Variants in NSUN2 observed in about 807,000 individuals in gnomAD.
The protein encoded by NSUN2 is NOP2/Sun RNA methyltransferase 2, also known as RNA cytosine C(5)-methyltransferase NSUN2.
NSUN2 carries 63 observed loss-of-function variants against 92.7 expected under a neutral mutation model. That is an observed-to-expected ratio of 0.68 (90% CI 0.56 to 0.84). The LOEUF (loss-of-function observed/expected upper bound fraction) is 0.84. NSUN2 is among the 40% of genes least tolerant of loss of function. The pLI, the probability that NSUN2 is intolerant of heterozygous loss-of-function variation, is 0.00. For missense variants in NSUN2, 989 were observed against 964.9 expected (o/e 1.02, Z -0.33); for synonymous variants, 356 against 348.3 (o/e 1.02, Z -0.25).
At position 6,599,757 on chromosome 5, in the gene NSUN2, AAGC is replaced by A; in HGVS notation, c.*166_*168del. On this transcript the variant is annotated 3_prime_UTR_variant, in exon 19 of 19. Coordinates refer to ENST00000264670, the MANE Select transcript of NSUN2 (RefSeq NM_017755.6). ...AGTACATTTTCATCAGCTCCAAAGAAAGCAGTCCTGGTCATTCAGAAGGCTCCT... is the reference window on the plus strand; with the variant it reads ...AGTACATTTTCATCAGCTCCAAAGAAAGTCCTGGTCATTCAGAAGGCTCCT... 1.5e-6 allele frequency: 1 copy of A among 654,508 alleles called. No individual in the cohort carries two copies. The highest frequency in any genetic ancestry group is 2.7e-6 in the Non-Finnish European group (1 of 369,872). The allele number at this position is 654,508 out of a possible 1,614,324, so 40.5% of individuals were successfully genotyped here. A position where few individuals can be genotyped will look rare whatever the true frequency, so the allele number is the denominator to read the frequency against.
intron 10 of NSUN2, 55 bp downstream of exon 10, chr5:6,611,670 A>T: frequency 6.9e-7 from 1 of 1,439,428 alleles, no homozygotes; most frequent in Non-Finnish European, 9.8e-7. Flanking sequence ...ACTTGACTCT[A>T]CTTCAGTGAT....
At position 6,600,051 on chromosome 5, in the gene NSUN2, G is replaced by A; in HGVS notation, c.2179C>T (p.Gln727Ter). 1 of 1,614,236 alleles carries A rather than the reference G, an allele frequency of 6.2e-7. No homozygotes were observed. Among genetic ancestry groups the A allele is most frequent in the Non-Finnish European group, 8.5e-7 (1 of 1,180,036 alleles). The change falls in exon 19 of 19, where the codon CAG (glutamine) becomes TAG (stop). Residue 727 changes from glutamine to a stop codon, truncating the protein, a stop_gained. Coordinates refer to ENST00000264670, the MANE Select transcript of NSUN2 (RefSeq NM_017755.6). LOFTEE classifies it low-confidence loss of function (END_TRUNC). ...LTNESAASTGQPDNDVTEGQR... is the reference protein window; with the variant it reads ...LTNESAASTG ...CCCTCAGTCACGTCATTGTCTGGCTGTCCGGTGCTGGCTGCACTCTCATTT... is the reference window on the plus strand; with the variant it reads ...CCCTCAGTCACGTCATTGTCTGGCTATCCGGTGCTGGCTGCACTCTCATTT...
chr5:6,618,846 T>C (rs1203340368), intron 7 of NSUN2, among the ~76,000 whole-genome samples: 1 of 152,228 alleles, frequency 6.6e-6, no homozygotes, highest in Non-Finnish European at 1.5e-5. Context: ...AACGCCTGTT[T>C]TTGTTGGCTT....
intron 3 of NSUN2, among the ~76,000 whole-genome samples, chr5:6,631,420 G>A (rs1328249987): frequency 6.6e-6 from 1 of 152,226 alleles, no homozygotes; most frequent in African/African-American, 2.4e-5. Flanking sequence ...GGCTGGTGCA[G>A]TCTGTACTGC....
At chr5:6,604,419 C>T (rs1237047057) in intron 16 of NSUN2, 143 bp from the exon 17 acceptor site, 1 of 903,446 alleles carries the variant, frequency 1.1e-6, no homozygotes, top group South Asian at 1.6e-5. Context: ...GTGTGGAACC[C>T]ACCCCCCCCT....
intron 14 of NSUN2, 46 bp from the exon 15 acceptor site, chr5:6,605,454 T>C (rs1203662638): frequency 1.3e-6 from 2 of 1,594,338 alleles, no homozygotes; most frequent in South Asian, 1.1e-5. Flanking sequence ...GTTCAAAATC[T>C]GGTAGACTGT....
At chr5:6,605,152 C>T (rs967819538) in intron 15 of NSUN2, 121 bp downstream of exon 15, 1 of 1,342,792 alleles carries the variant, frequency 7.4e-7, no homozygotes, top group Non-Finnish European at 1.0e-6. Flanking sequence ...CAGGGACCCA[C>T]AGCCAGCGCT....
In NSUN2 at chr5:6,607,560, A is replaced by G. The variant is rs567476241; in HGVS notation, c.1324-176T>C. ...TCATTTTAAATCTACTTGCTATTATAAACAAAATTCATGGACAGTTTCTTT... is the reference window on the plus strand; with the variant it reads ...TCATTTTAAATCTACTTGCTATTATGAACAAAATTCATGGACAGTTTCTTT... On this transcript the variant is annotated intron_variant, in intron 12 of 18. Coordinates refer to ENST00000264670, the MANE Select transcript of NSUN2 (RefSeq NM_017755.6). Among the ~76,000 whole-genome samples the G allele has an allele frequency of 2.0e-5, 3 of 152,350 alleles. 1 individual carries two copies. The highest frequency in any genetic ancestry group is 7.2e-5 in the African/African-American group (3 of 41,578).
Position 6,600,202 on chromosome 5 carries a change from G to C in NSUN2, c.2028C>G (p.Val676=), listed in dbSNP as rs1736493854. 6.2e-7 allele frequency: 1 copy of C among 1,614,206 alleles called. No homozygotes were observed. Among genetic ancestry groups the C allele is most frequent in the African/African-American group, 1.3e-5 (1 of 75,064 alleles). ...ANPDALQCPI[V]LCGWRGKASI... is the part of the protein sequence containing the mutation. Reference sequence around the variant, plus strand: ...AGGCCTTTCCCCGCCATCCGCATAAGACGATGGGACACTGCAGAGCGTCTG... The same window carrying C: ...AGGCCTTTCCCCGCCATCCGCATAACACGATGGGACACTGCAGAGCGTCTG... Residue 676 remains valine, a synonymous_variant, in exon 19 of 19, where the codon GTC becomes GTG. Coordinates refer to ENST00000264670, the MANE Select transcript of NSUN2 (RefSeq NM_017755.6).
intron 4 of NSUN2, among the ~76,000 whole-genome samples, chr5:6,625,180 C>A (rs1185591621): frequency 6.6e-6 from 1 of 151,442 alleles, no homozygotes; most frequent in Non-Finnish European, 1.5e-5. Flanking sequence ...AAAACAGAAC[C>A]AAAAACCTAT....
intron 2 of NSUN2, 48 bp from the exon 3 acceptor site, chr5:6,632,025 A>C (rs780377063): frequency 1.4e-6 from 2 of 1,395,016 alleles, no homozygotes; most frequent in Non-Finnish European, 2.0e-6. Flanking sequence ...AACTAAGTTA[A>C]TACATTGTAT....
chr5:6,625,607 T>C lies in NSUN2; in HGVS notation c.422A>G (p.His141Arg), dbSNP rs1386207942. The change falls in exon 4 of 19, where the codon CAC becomes CGC. Residue 141 changes from histidine to arginine, a missense_variant. Physicochemically the swap from His to Arg is conservative, Grantham distance 29. This residue lies in a region of NSUN2 where 356 missense variants were observed against 338.6 expected (regional missense o/e 1.05). Transcript: ENST00000264670. ...TAGAAACTGATGAAACTTTTCCAAG[T>C]GTGGCGATTTTCTCAAGATTTTTCG... ...LSRKILRKSP[H>R]LEKFHQFLVS... is the part of the protein sequence containing the mutation. 2.5e-6 allele frequency: 4 copies of C among 1,614,100 alleles called. No homozygotes were observed.
intron 10 of NSUN2, among the ~76,000 whole-genome samples, chr5:6,611,510 G>C (rs1275868059): frequency 2.9e-5 from 4 of 138,576 alleles, no homozygotes; most frequent in Non-Finnish European, 6.2e-5. Flanking sequence ...GTTTATTTCT[G>C]TACGTGGAGA....
At chr5:6,600,679 G>A (rs556564419) in intron 18 of NSUN2, among the ~76,000 whole-genome samples, 7 of 152,010 alleles carry the variant, frequency 4.6e-5, no homozygotes, top group African/African-American at 1.2e-4. Flanking sequence ...TTAGCAGGGC[G>A]TCAGAGCAGG....
intron 9 of NSUN2, among the ~76,000 whole-genome samples, chr5:6,616,195 T>C (rs1435442544): frequency 6.6e-6 from 1 of 152,204 alleles, no homozygotes; most frequent in Non-Finnish European, 1.5e-5. Flanking sequence ...GGAGAGGTAT[T>C]TGTATACCAT....
intron 8 of NSUN2, 38 bp from the exon 9 acceptor site, chr5:6,616,895 A>T (rs748810062): frequency 6.3e-7 from 1 of 1,595,512 alleles, no homozygotes; most frequent in Admixed American, 1.7e-5. Flanking sequence ...GGCCAAATGT[A>T]TCCATGAAGT....
intron 9 of NSUN2, among the ~76,000 whole-genome samples, chr5:6,612,347 A>T (rs549555440): frequency 2.0e-5 from 3 of 152,336 alleles, no homozygotes; most frequent in African/African-American, 7.2e-5. Flanking sequence ...GCTGAAAATG[A>T]ACTATGGGAA....
rs1264552794 is a variant in NSUN2 at position 6,607,312 on chromosome 5, T to C, written c.1396A>G (p.Thr466Ala). 6.2e-7 allele frequency: 1 copy of C among 1,614,186 alleles called. No homozygotes were observed. Among genetic ancestry groups the C allele is most frequent in the Non-Finnish European group, 8.5e-7 (1 of 1,180,004 alleles). ...SPADLTEGKP[T>A]DPSKLESPSF... ...GGACTTTCCAGCTTAGAGGGATCTG[T>C]GGGTTTCCCTTCTGTGAGATCTGCA... The change falls in exon 13 of 19, where the codon ACA becomes GCA. Residue 466 changes from threonine (T) to alanine (A), a missense_variant. This residue lies in a region of NSUN2 where 626 missense variants were observed against 602.3 expected (regional missense o/e 1.04). Coordinates refer to ENST00000264670, the MANE Select transcript of NSUN2 (RefSeq NM_017755.6).
intron 9 of NSUN2, among the ~76,000 whole-genome samples, chr5:6,614,095 GAAAAAAAAAAAAAA>G (rs70937111): frequency 2.0e-4 from 7 of 34,658 alleles, no homozygotes; most frequent in African/African-American, 4.0e-4. Context: ...GACTGTCTCG[GAAAAAAAAAAAAAA>G]AAAAAAAAAA....
Sources: gnomAD v4.1 joint callset for allele counts (sites outside exome capture counted in the v4.1 genomes callset) on GRCh38, gnomAD v4.1.1 for gene constraint, gnomAD v4.1.1 regional missense constraint, MANE v1.5 for transcripts, NCBI Gene and HGNC (gene_info 2026-07-23, HGNC 2026-07-21) for gene names.